PEBP4: variants seen among roughly 807,000 people sequenced by gnomAD.
PEBP4 encodes phosphatidylethanolamine binding protein 4.
A neutral mutation model predicts 23.9 loss-of-function variants in PEBP4; 22 were observed. The ratio of observed to expected loss-of-function variants is 0.92; its 90% CI spans 0.66 to 1.31. The LOEUF is 1.31. Ranked by LOEUF, PEBP4 falls within the 40% of genes most tolerant of loss-of-function variation. The pLI is 0.00. For missense variants in PEBP4, 324 were observed against 281.7 expected (o/e 1.15, Z -1.07); for synonymous variants, 112 against 99.3 (o/e 1.13, Z -0.76).
intron 4 of PEBP4, among the ~76,000 whole-genome samples, chr8:22,807,200 T>C (rs1250640303): frequency 6.6e-6 from 1 of 152,150 alleles, no homozygotes; most frequent in Non-Finnish European, 1.5e-5. Context: ...GGCATGTTTG[T>C]GGATTGCAGA....
intron 4 of PEBP4, among the ~76,000 whole-genome samples, chr8:22,807,375 G>T (rs79208213): frequency 2.2e-3 from 336 of 152,256 alleles, no homozygotes; most frequent in African/African-American, 7.6e-3. Context: ...GGGGAGAGGG[G>T]TCTCTGTCTG....
upstream of PEBP4, among the ~76,000 whole-genome samples, chr8:22,929,494 T>TGGC (rs1460021905): frequency 9.8e-5 from 15 of 152,350 alleles, no homozygotes; most frequent in Middle Eastern, 3.4e-3. Flanking sequence ...CCACTTCCAG[T>TGGC]GGCGGTTCTT....
At chr8:22,927,521 T>G (rs1183896248) in intron 2 of PEBP4, 63 bp downstream of exon 2, 1 of 1,551,602 alleles carries the variant, frequency 6.4e-7, no homozygotes, top group Non-Finnish European at 8.7e-7. Flanking sequence ...GATATACCCC[T>G]CCCTGCCATC....
intron 3 of PEBP4, among the ~76,000 whole-genome samples, chr8:22,830,617 A>G (rs1807066789): frequency 6.6e-6 from 1 of 152,164 alleles, no homozygotes; most frequent in South Asian, 2.1e-4. Flanking sequence ...ATGTCCAACA[A>G]CATTGCCTGG....
At chr8:22,751,523 G>A (rs1288516829) in intron 4 of PEBP4, among the ~76,000 whole-genome samples, 1 of 152,062 alleles carries the variant, frequency 6.6e-6, no homozygotes, top group African/African-American at 2.4e-5. Context: ...GGTAGATAGA[G>A]AGGCCCCAAA....
intron 1 of PEBP4, among the ~76,000 whole-genome samples, chr8:22,940,834 T>C (rs1171954371): frequency 1.3e-5 from 2 of 152,108 alleles, no homozygotes; most frequent in Admixed American, 6.5e-5. Flanking sequence ...GTGTTTTTTC[T>C]CTCCTCTGTC....
chr8:22,780,691 T>A (rs145851642), intron 4 of PEBP4, among the ~76,000 whole-genome samples: 2 of 152,256 alleles, frequency 1.3e-5, no homozygotes, highest in Non-Finnish European at 2.9e-5. Context: ...GGGGTCCGGA[T>A]CAGCGGACCT....
chr8:22,898,825 A>G (rs1808651441), intron 3 of PEBP4, among the ~76,000 whole-genome samples: 1 of 152,112 alleles, frequency 6.6e-6, no homozygotes, highest in Admixed American at 6.5e-5. Flanking sequence ...AAAGGGGTGA[A>G]TTTGGAGGGG....
At chr8:22,833,082 C>G (rs1326213094) in intron 3 of PEBP4, among the ~76,000 whole-genome samples, 1 of 152,220 alleles carries the variant, frequency 6.6e-6, no homozygotes, top group African/African-American at 2.4e-5. Flanking sequence ...AAGGTTCTTG[C>G]CCATGCTTCC....
At chr8:22,725,080 A>T (rs1013024638) in intron 5 of PEBP4, 124 bp from the exon 6 acceptor site, 3 of 654,354 alleles carry the variant, frequency 4.6e-6, no homozygotes, top group African/African-American at 3.7e-5. Context: ...GCCCTGCAAA[A>T]CATTAGGATT....
intron 4 of PEBP4, among the ~76,000 whole-genome samples, chr8:22,768,438 G>A (rs148617329): frequency 1.3e-5 from 2 of 152,252 alleles, no homozygotes; most frequent in Non-Finnish European, 2.9e-5. Flanking sequence ...GCTCACGCGA[G>A]CCCCCCACGA....
intron 3 of PEBP4, among the ~76,000 whole-genome samples, chr8:22,834,505 T>C (rs572556274): frequency 2.0e-4 from 30 of 152,360 alleles, no homozygotes; most frequent in African/African-American, 7.2e-4. Flanking sequence ...CAGCATGCTC[T>C]GACACATTGA....
intron 3 of PEBP4, among the ~76,000 whole-genome samples, chr8:22,854,060 G>T (rs1321312460): frequency 3.3e-5 from 5 of 152,216 alleles, no homozygotes; most frequent in African/African-American, 1.2e-4. Flanking sequence ...CTGCAATGCT[G>T]CACACAGATA....
chr8:22,850,848 C>A (rs1269904631), intron 3 of PEBP4, among the ~76,000 whole-genome samples: 1 of 152,138 alleles, frequency 6.6e-6, no homozygotes, highest in African/African-American at 2.4e-5. Flanking sequence ...CCTCTCATTG[C>A]AATGTGATCC....
At chr8:22,827,922 G>A (rs1413222092) in intron 3 of PEBP4, among the ~76,000 whole-genome samples, 2 of 152,216 alleles carry the variant, frequency 1.3e-5, no homozygotes, top group East Asian at 3.9e-4. Flanking sequence ...CATGCTAGTG[G>A]GTGTAAACTG....
chr8:22,805,083 T>C (rs1806468143), intron 4 of PEBP4, among the ~76,000 whole-genome samples: 2 of 152,148 alleles, frequency 1.3e-5, no homozygotes, highest in Admixed American at 6.5e-5. Flanking sequence ...CATTGATTTT[T>C]CTCCTCTGCT....
rs956133457 is a variant in PEBP4 at position 22,775,968 on chromosome 8, G to A, written c.357+41669C>T. On this transcript the variant is annotated intron_variant, in intron 4 of 6. Transcript: ENST00000256404. This position sits in a 1 kb window ranked among gnomAD's most constrained non-coding sequence, Gnocchi z 4.8. ...GTCTGGGCTCACCCCTGGAACAATG[G>A]GGGTTGCAGATGCACACAGAGGGGT... Among the ~76,000 whole-genome samples, 8 of 152,064 alleles carry A rather than the reference G, an allele frequency of 5.3e-5. No homozygotes were observed. The highest frequency in any genetic ancestry group is 1.9e-4 in the African/African-American group (8 of 41,396).
intron 1 of PEBP4, among the ~76,000 whole-genome samples, chr8:22,939,480 T>C (rs1027149412): frequency 1.3e-5 from 2 of 152,132 alleles, no homozygotes; most frequent in Non-Finnish European, 2.9e-5. Flanking sequence ...TAGATAACTG[T>C]TTGTTTAAAA....
At chr8:22,860,081 C>T (rs1420376123) in intron 3 of PEBP4, among the ~76,000 whole-genome samples, 2 of 133,378 alleles carry the variant, frequency 1.5e-5, no homozygotes, top group African/African-American at 2.8e-5. Context: ...CATGTCACTG[C>T]ACTCTAGCCT....
Sources: gnomAD v4.1 joint callset for allele counts (sites outside exome capture counted in the v4.1 genomes callset) on GRCh38, gnomAD v4.1.1 for gene constraint, Gnocchi (gnomAD v3.1) non-coding constraint, MANE v1.5 for transcripts, NCBI Gene and HGNC (gene_info 2026-07-23, HGNC 2026-07-21) for gene names.